Variants in WDR70 observed in about 807,000 individuals in gnomAD.
WDR70 encodes WD repeat-containing protein 70.
WDR70 carries 53 observed loss-of-function variants against 88.6 expected under a neutral mutation model. That is an observed-to-expected ratio of 0.60 (90% CI 0.48 to 0.75). The LOEUF is 0.75. WDR70 is among the 30% of genes least tolerant of loss of function. The pLI, the probability that WDR70 is intolerant of heterozygous loss-of-function variation, is 0.00. For missense variants in WDR70, 610 were observed against 823.2 expected (o/e 0.74, Z 3.17); for synonymous variants, 280 against 270.0 (o/e 1.04, Z -0.36).
At chr5:37,553,209 T>C (rs1269921460) in intron 9 of WDR70, among the ~76,000 whole-genome samples, 1 of 152,186 alleles carries the variant, frequency 6.6e-6, no homozygotes, top group African/African-American at 2.4e-5. Flanking sequence ...CCGGGAGCTT[T>C]ATATACCCTA....
intron 10 of WDR70, among the ~76,000 whole-genome samples, chr5:37,638,540 A>G (rs1179676306): frequency 6.6e-6 from 1 of 152,232 alleles, no homozygotes; most frequent in African/African-American, 2.4e-5. Flanking sequence ...TTTGTGTCTC[A>G]GTATTAGCAG....
chr5:37,435,116 C>G (rs1468043753), intron 5 of WDR70, among the ~76,000 whole-genome samples: 1 of 152,142 alleles, frequency 6.6e-6, no homozygotes, highest in Admixed American at 6.5e-5. Context: ...GGTTAATTCA[C>G]TCCTAATATA....
chr5:37,714,011 A>G (rs759003360), intron 13 of WDR70, among the ~76,000 whole-genome samples: 4 of 152,226 alleles, frequency 2.6e-5, no homozygotes, highest in Non-Finnish European at 5.9e-5. Context: ...CTTTTTGGAA[A>G]TGATAGATAG....
intron 3 of WDR70, among the ~76,000 whole-genome samples, chr5:37,382,129 C>T (rs1350164168): frequency 1.3e-5 from 2 of 149,984 alleles, no homozygotes; most frequent in African/African-American, 2.5e-5. Context: ...GATGGAGTCT[C>T]GCCCTGTTGC....
rs186795797 is a variant in WDR70, at chr5:37,652,712, G to A, written c.1093-44943G>A. ...ATTCTCTTTGAAGCAATTGTGAATG[G>A]GAGTTCACTCATGATTTGGCTCTCT... On this transcript the variant is annotated intron_variant, in intron 10 of 17. Coordinates refer to ENST00000265107, the MANE Select transcript of WDR70 (RefSeq NM_018034.4). 9.7e-3 allele frequency among the ~76,000 whole-genome samples: 1,483 copies of A among 152,226 alleles called. 20 individuals are homozygous for A. Among genetic ancestry groups the A allele is most frequent in the Non-Finnish European group, 0.018 (1,217 of 68,002 alleles).
At chr5:37,626,968 C>G (rs1017619633) in intron 10 of WDR70, among the ~76,000 whole-genome samples, 1 of 151,994 alleles carries the variant, frequency 6.6e-6, no homozygotes, top group Non-Finnish European at 1.5e-5. Flanking sequence ...TGTGACATAT[C>G]CTCTTCCGTT....
intron 9 of WDR70, among the ~76,000 whole-genome samples, chr5:37,526,797 A>T (rs1381040380): frequency 1.3e-5 from 2 of 152,230 alleles, no homozygotes; most frequent in African/African-American, 4.8e-5. Flanking sequence ...TCAGGATCCA[A>T]AAATCAACGT....
At chr5:37,479,647 A>T in intron 7 of WDR70, 187 bp from the exon 8 acceptor site, 1 of 576,898 alleles carries the variant, frequency 1.7e-6, no homozygotes, top group Non-Finnish European at 3.0e-6. Context: ...TTGGGATTAT[A>T]GGCATGAGCT....
chr5:37,625,858 T>C (rs1476699072), intron 10 of WDR70, among the ~76,000 whole-genome samples: 1 of 152,132 alleles, frequency 6.6e-6, no homozygotes, highest in African/African-American at 2.4e-5. Flanking sequence ...TTTGTTTTTG[T>C]TTGTTTTTCT....
chr5:37,487,621 ATATGTATTTTT>A (rs1561871977), intron 8 of WDR70, among the ~76,000 whole-genome samples: 1 of 37,692 alleles, frequency 2.7e-5, no homozygotes, highest in South Asian at 7.5e-4. Flanking sequence ...ATATATATAT[ATATGTATTTTT>A]TTTTTTTTTT....
At chr5:37,744,231 C>T (rs188866353) in intron 17 of WDR70, among the ~76,000 whole-genome samples, 21 of 152,224 alleles carry the variant, frequency 1.4e-4, no homozygotes, top group Non-Finnish European at 2.8e-4. Flanking sequence ...ACAACAACAG[C>T]ATCAACAACA....
intron 7 of WDR70, among the ~76,000 whole-genome samples, chr5:37,476,660 C>T (rs1739495700): frequency 6.6e-6 from 1 of 151,948 alleles, no homozygotes; most frequent in African/African-American, 2.4e-5. Flanking sequence ...AAGCAGTTCT[C>T]CTGCCTCAGC....
intron 10 of WDR70, among the ~76,000 whole-genome samples, chr5:37,636,935 GT>G (rs985716990): frequency 6.6e-6 from 1 of 151,926 alleles, no homozygotes; most frequent in African/African-American, 2.4e-5. Flanking sequence ...TTACTCTTCT[GT>G]TTTTTTTGAT....
Position 37,605,231 on chromosome 5 carries a change from A to G in WDR70, c.1085A>G (p.Asn362Ser). 4 of 1,592,598 alleles carry G rather than the reference A, an allele frequency of 2.5e-6. No homozygotes were observed. In the South Asian group the frequency reaches 4.7e-5, roughly 19 times the overall value. Reference sequence around the variant, plus strand: ...GGAAGCATACAGATCTGGGACCGAAATTTGACTGTAAGTTAAATCTTTTCT... The same window carrying G: ...GGAAGCATACAGATCTGGGACCGAAGTTTGACTGTAAGTTAAATCTTTTCT... Reference protein sequence around the residue: ...QNGSIQIWDRNLTVHPKFHYK... With the variant: ...QNGSIQIWDRSLTVHPKFHYK... The change falls in exon 10 of 18, where the codon AAT becomes AGT. Residue 362 changes from asparagine to serine, a missense_variant. This residue lies in a region of WDR70 where 254 missense variants were observed against 300.7 expected (regional missense o/e 0.84). Transcript: ENST00000265107.
intron 8 of WDR70, among the ~76,000 whole-genome samples, chr5:37,483,162 C>T (rs2112165915): frequency 7.0e-6 from 1 of 142,200 alleles, no homozygotes; most frequent in African/African-American, 2.6e-5. Flanking sequence ...GGGGATTTGG[C>T]AGGGTCACAG....
At chr5:37,637,932 A>G (rs1171905187) in intron 10 of WDR70, among the ~76,000 whole-genome samples, 1 of 152,190 alleles carries the variant, frequency 6.6e-6, no homozygotes, top group African/African-American at 2.4e-5. Context: ...GAGTAGTGGC[A>G]ACATCCAATT....
At chr5:37,602,308 C>G (rs553447576) in intron 9 of WDR70, among the ~76,000 whole-genome samples, 2 of 144,408 alleles carry the variant, frequency 1.4e-5, no homozygotes, top group East Asian at 1.9e-4. Context: ...GTTAAAAGAT[C>G]AGTACACTGA....
At chr5:37,381,989 GTTGCAGTGAGCTGATATAC>G (rs1159956314) in intron 3 of WDR70, among the ~76,000 whole-genome samples, 3 of 126,412 alleles carry the variant, frequency 2.4e-5, no homozygotes, top group Non-Finnish European at 5.4e-5. Context: ...GGAGGCAGAG[GTTGCAGTGAGCTGATATAC>G]CCCCATTGCA....
chr5:37,693,164 A>G (rs1746862955), intron 10 of WDR70, among the ~76,000 whole-genome samples: 1 of 152,226 alleles, frequency 6.6e-6, no homozygotes, highest in Non-Finnish European at 1.5e-5. Context: ...AGGGATGTGA[A>G]TGACCTGTTC....
Sources: gnomAD v4.1 joint callset for allele counts (sites outside exome capture counted in the v4.1 genomes callset) on GRCh38, gnomAD v4.1.1 for gene constraint, gnomAD v4.1.1 regional missense constraint, MANE v1.5 for transcripts, NCBI Gene and HGNC (gene_info 2026-07-23, HGNC 2026-07-21) for gene names.